The following ITGB8 variants were observed in gnomAD, a reference collection of about 807,000 sequenced individuals.
ITGB8 encodes integrin beta-8.
A neutral mutation model predicts 89.5 loss-of-function variants in ITGB8; 30 were observed. That is an observed-to-expected ratio of 0.34 (90% CI 0.25 to 0.45). The LOEUF (loss-of-function observed/expected upper bound fraction) is 0.45, where lower values mean the gene tolerates loss of function less well. ITGB8 is among the 20% of genes least tolerant of loss of function. The probability of loss-of-function intolerance (pLI) is 1.00; values close to 1 mark genes in which losing one functional copy is unlikely to be tolerated. For missense variants in ITGB8, 836 were observed against 933.3 expected (o/e 0.90, Z 1.36); for synonymous variants, 335 against 320.4 (o/e 1.05, Z -0.49).
chr7:20,358,919 G>A (rs1175809828), intron 1 of ITGB8, among the ~76,000 whole-genome samples: 1 of 152,148 alleles, frequency 6.6e-6, no homozygotes, highest in Admixed American at 6.5e-5. Flanking sequence ...ATGTCCACAT[G>A]TACCCAATGT....
Position 20,409,917 on chromosome 7 carries a change from T to C in ITGB8, c.2230T>C (p.Tyr744His). The change falls in exon 14 of 14, where the codon TAC becomes CAC. Residue 744 changes from tyrosine to histidine, a missense_variant. Tyr to His is a moderately conservative substitution (Grantham distance 83). Coordinates refer to ENST00000222573, the MANE Select transcript of ITGB8 (RefSeq NM_002214.3). Reference protein sequence around the residue: ...LQSVCTRAVTYRREKPEEIKM... With the variant: ...LQSVCTRAVTHRREKPEEIKM... ...AAGTGTTTGCACAAGAGCAGTCACC[T>C]ACCGACGTGAGAAGCCTGAAGAAAT... The C allele has an allele frequency of 2.5e-6, 4 of 1,613,732 alleles. No individual in the cohort carries two copies. Among genetic ancestry groups the C allele is most frequent in the Non-Finnish European group, 3.4e-6 (4 of 1,179,742 alleles).
chr7:20,399,009 A>G lies in ITGB8; in HGVS notation c.1281+15A>G, dbSNP rs1387745634. The G allele has an allele frequency of 3.1e-6, 5 of 1,600,242 alleles. No homozygotes were observed. The highest frequency in any genetic ancestry group is 1.3e-5 in the African/African-American group (1 of 74,278). On this transcript the variant is annotated intron_variant, in intron 9 of 13. Coordinates refer to ENST00000222573, the MANE Select transcript of ITGB8 (RefSeq NM_002214.3). ...GCAATGATGAAGTATGTGGGTGTGCATTTTTCCCTTTTAAAATAAACTAAG... is the reference window on the plus strand; with the variant it reads ...GCAATGATGAAGTATGTGGGTGTGCGTTTTTCCCTTTTAAAATAAACTAAG...
intron 7 of ITGB8, among the ~76,000 whole-genome samples, chr7:20,393,568 C>T (rs1786950986): frequency 1.3e-5 from 2 of 152,216 alleles, no homozygotes; most frequent in African/African-American, 4.8e-5. Flanking sequence ...AGGACCAAAT[C>T]TCTAAGGTGG....
At position 20,401,825 on chromosome 7, in the gene ITGB8, T is replaced by G. The variant is rs772446588; in HGVS notation, c.1386T>G (p.His462Gln). 2 of 1,613,782 alleles carry G rather than the reference T, an allele frequency of 1.2e-6. No homozygotes were observed. Among genetic ancestry groups the G allele is most frequent in the South Asian group, 2.2e-5 (2 of 90,904 alleles). Residue 462 changes from histidine (H) to glutamine (Q), a missense_variant, in exon 10 of 14, where the codon CAT becomes CAG. Transcript: ENST00000222573. Reference protein sequence around the residue: ...PIGFNETAKIHIHRNCSCQCE... With the variant: ...PIGFNETAKIQIHRNCSCQCE... ...GTTTTAATGAAACCGCTAAAATTCA[T>G]ATACACAGAAACTGCAGCTGTCAGT...
At chr7:20,354,115 T>C (rs1785209882) in intron 1 of ITGB8, among the ~76,000 whole-genome samples, 1 of 152,122 alleles carries the variant, frequency 6.6e-6, no homozygotes, top group South Asian at 2.1e-4. Flanking sequence ...ACTCAGGAAT[T>C]AAATTGTCAA....
chr7:20,336,309 C>A (rs1252691715), intron 1 of ITGB8, among the ~76,000 whole-genome samples: 1 of 152,136 alleles, frequency 6.6e-6, no homozygotes, highest in Non-Finnish European at 1.5e-5. Context: ...CCGGCCCAGT[C>A]TTGTGTCTTA....
At chr7:20,389,838 GTTTTTTTT>G (rs5882739) in intron 6 of ITGB8, among the ~76,000 whole-genome samples, 2 of 148,756 alleles carry the variant, frequency 1.3e-5, no homozygotes, top group African/African-American at 2.5e-5. Flanking sequence ...TGTTTTTGGA[GTTTTTTTT>G]TTTCCATTGC....
intron 3 of ITGB8, among the ~76,000 whole-genome samples, chr7:20,368,326 T>C (rs1298219145): frequency 6.6e-6 from 1 of 152,186 alleles, no homozygotes; most frequent in East Asian, 1.9e-4. Context: ...AAATAAATTC[T>C]TTTTTAGAAA....
intron 1 of ITGB8, among the ~76,000 whole-genome samples, chr7:20,346,166 A>G (rs1438516014): frequency 1.3e-5 from 2 of 152,166 alleles, no homozygotes; most frequent in East Asian, 3.9e-4. Context: ...ATACATCTCC[A>G]AGCTCAAGGC....
intron 1 of ITGB8, among the ~76,000 whole-genome samples, chr7:20,344,679 A>T (rs1165776051): frequency 1.3e-5 from 2 of 152,344 alleles, no homozygotes; most frequent in Non-Finnish European, 2.9e-5. Flanking sequence ...GTAGCAGGAC[A>T]AAGCTTCCCC....
At chr7:20,390,006 T>G (rs1400413686) in intron 6 of ITGB8, among the ~76,000 whole-genome samples, 3 of 152,200 alleles carry the variant, frequency 2.0e-5, no homozygotes, top group Non-Finnish European at 4.4e-5. Flanking sequence ...TCACAACAAT[T>G]ATAGATGACA....
intron 3 of ITGB8, among the ~76,000 whole-genome samples, chr7:20,372,762 T>G (rs1285625854): frequency 6.6e-6 from 1 of 152,186 alleles, no homozygotes; most frequent in Non-Finnish European, 1.5e-5. Context: ...ATTAGCATAA[T>G]TGTCTAACGT....
At chr7:20,334,657 T>G (rs965189424) in intron 1 of ITGB8, among the ~76,000 whole-genome samples, 5 of 152,202 alleles carry the variant, frequency 3.3e-5, no homozygotes, top group Admixed American at 6.5e-5. Flanking sequence ...TGATCGGATA[T>G]TTAAAAGAAC....
At chr7:20,378,878 A>G (rs911030752) in intron 3 of ITGB8, among the ~76,000 whole-genome samples, 173 bp from the exon 4 acceptor site, 2 of 152,104 alleles carry the variant, frequency 1.3e-5, no homozygotes, top group African/African-American at 4.8e-5. Context: ...CCTTATAATT[A>G]TACTAGAATA....
At chr7:20,329,989 T>C (rs1205091964), upstream of ITGB8, among the ~76,000 whole-genome samples, 1 of 152,152 alleles carries the variant, frequency 6.6e-6, no homozygotes, top group Non-Finnish European at 1.5e-5. Context: ...TGCCTTCCAC[T>C]TTCTCTCCTT....
intron 1 of ITGB8, among the ~76,000 whole-genome samples, chr7:20,348,311 T>C (rs532876528): frequency 1.8e-4 from 28 of 152,114 alleles, no homozygotes; most frequent in Non-Finnish European, 4.4e-5. Flanking sequence ...TCTTAATAGG[T>C]TTCTGGCAGT....
At chr7:20,388,602 G>C (rs1786724236) in intron 6 of ITGB8, among the ~76,000 whole-genome samples, 1 of 151,712 alleles carries the variant, frequency 6.6e-6, no homozygotes, top group Admixed American at 6.6e-5. Context: ...CAAAAAATCT[G>C]TTTTTGTAGG....
Position 20,409,909 on chromosome 7 carries a change from C to T in ITGB8, c.2222C>T (p.Ala741Val), listed in dbSNP as rs1787698815. Reference protein sequence around the residue: ...KLILQSVCTRAVTYRREKPEE... With the variant: ...KLILQSVCTRVVTYRREKPEE... ...ATTCTGCAAAGTGTTTGCACAAGAG[C>T]AGTCACCTACCGACGTGAGAAGCCT... The change falls in exon 14 of 14, where the codon GCA becomes GTA. Residue 741 changes from alanine (A) to valine (V), a missense_variant. Around this residue, in one of 5 missense-constraint regions of ITGB8, gnomAD observed 422 missense variants for 416.9 expected, o/e 1.01. Coordinates refer to ENST00000222573, the MANE Select transcript of ITGB8 (RefSeq NM_002214.3). 6.2e-7 allele frequency: 1 copy of T among 1,613,538 alleles called. No homozygotes were observed. The highest frequency in any genetic ancestry group is 8.5e-7 in the Non-Finnish European group (1 of 1,179,614).
chr7:20,394,848 C>T, intron 7 of ITGB8, 48 bp from the exon 8 acceptor site: 1 of 1,242,472 alleles, frequency 8.0e-7, no homozygotes, highest in Non-Finnish European at 1.2e-6. Flanking sequence ...GTTGCTAACC[C>T]ATTACATACT....
Sources: allele counts gnomAD v4.1 joint callset (sites outside exome capture counted in the v4.1 genomes callset), GRCh38; gene constraint gnomAD v4.1.1; regional missense constraint gnomAD v4.1.1; transcripts MANE v1.5; gene names NCBI Gene and HGNC (gene_info 2026-07-23, HGNC 2026-07-21).